CTNNA3: variants seen among roughly 807,000 people sequenced by gnomAD.
CTNNA3 encodes catenin alpha-3.
CTNNA3 carries 76 observed loss-of-function variants against 95.7 expected under a neutral mutation model. The ratio of observed to expected loss-of-function variants is 0.79; its 90% CI spans 0.66 to 0.96. The LOEUF is 0.96. Ranked by LOEUF, CTNNA3 falls within the 40% of genes least tolerant of loss-of-function variation. The probability of loss-of-function intolerance (pLI) is 0.00; values close to 1 mark genes in which losing one functional copy is unlikely to be tolerated. For missense variants in CTNNA3, 1,191 were observed against 1,089.8 expected (o/e 1.09, Z -1.31); for synonymous variants, 431 against 374.4 (o/e 1.15, Z -1.74).
intron 7 of CTNNA3, among the ~76,000 whole-genome samples, chr10:66,948,937 A>G (rs1398824008): frequency 6.6e-6 from 1 of 152,194 alleles, no homozygotes; most frequent in Middle Eastern, 3.2e-3. Flanking sequence ...AATTTTGAGA[A>G]CAAAGACATA....
intron 10 of CTNNA3, among the ~76,000 whole-genome samples, chr10:66,602,549 A>C (rs1233898710): frequency 6.6e-6 from 1 of 151,988 alleles, no homozygotes; most frequent in East Asian, 1.9e-4. Context: ...TGCTGCTAGA[A>C]TTGCTTAAAA....
chr10:67,311,502 A>C (rs1840798724), intron 5 of CTNNA3, among the ~76,000 whole-genome samples: 1 of 152,260 alleles, frequency 6.6e-6, no homozygotes, highest in Non-Finnish European at 1.5e-5. Context: ...ATAAAAAGGC[A>C]GACAGAAATT....
chr10:67,144,126 C>G (rs1286479034), intron 7 of CTNNA3, among the ~76,000 whole-genome samples: 1 of 152,146 alleles, frequency 6.6e-6, no homozygotes, highest in Non-Finnish European at 1.5e-5. Flanking sequence ...CTTGGGTGAC[C>G]AGGTGCATTG....
chr10:66,778,930 C>T (rs10997378), intron 7 of CTNNA3, among the ~76,000 whole-genome samples: 80,016 of 151,892 alleles, frequency 0.53, 21,969 homozygotes, highest in East Asian at 0.73. Context: ...GAGCCGAGAT[C>T]GCGCCACTGC....
At chr10:67,066,136 A>G (rs906542797) in intron 7 of CTNNA3, among the ~76,000 whole-genome samples, 1 of 151,088 alleles carries the variant, frequency 6.6e-6, no homozygotes, top group Non-Finnish European at 1.5e-5. Flanking sequence ...AACTTTCTCA[A>G]TACCATCACC....
intron 5 of CTNNA3, among the ~76,000 whole-genome samples, chr10:67,415,621 C>T (rs1845514103): frequency 6.6e-6 from 1 of 152,158 alleles, no homozygotes; most frequent in Admixed American, 6.5e-5. Flanking sequence ...ACTAATGTCA[C>T]TGTTTACAGA....
At chr10:67,142,894 T>C (rs1056317655) in intron 7 of CTNNA3, among the ~76,000 whole-genome samples, 1 of 152,100 alleles carries the variant, frequency 6.6e-6, no homozygotes, top group African/African-American at 2.4e-5. Flanking sequence ...ATCGTGCCAC[T>C]GCACTCCAGC....
chr10:66,186,310 T>TAG (rs372778611), intron 13 of CTNNA3, among the ~76,000 whole-genome samples: 5 of 140,816 alleles, frequency 3.6e-5, no homozygotes, highest in East Asian at 2.2e-4. Context: ...GTGTGAGAGA[T>TAG]AGAGAGAGAG....
intron 9 of CTNNA3, among the ~76,000 whole-genome samples, chr10:66,687,576 C>G (rs1197888454): frequency 6.6e-6 from 1 of 152,000 alleles, no homozygotes; most frequent in Non-Finnish European, 1.5e-5. Context: ...GGATGAATTA[C>G]AAACAGGTGA....
intron 7 of CTNNA3, among the ~76,000 whole-genome samples, chr10:67,055,529 A>G (rs1855369164): frequency 6.6e-6 from 1 of 152,238 alleles, no homozygotes; most frequent in Non-Finnish European, 1.5e-5. Context: ...GAAAGGAGAC[A>G]ATGCCATTTG....
chr10:67,070,316 T>C (rs971652498), intron 7 of CTNNA3, among the ~76,000 whole-genome samples: 1 of 152,196 alleles, frequency 6.6e-6, no homozygotes, highest in Admixed American at 6.5e-5. Context: ...GTCAGATGTG[T>C]GTATTAAGAA....
intron 13 of CTNNA3, among the ~76,000 whole-genome samples, chr10:66,139,463 A>C (rs2133873342): frequency 6.6e-6 from 1 of 152,168 alleles, no homozygotes; most frequent in Middle Eastern, 3.4e-3. Context: ...CTTTGACTAC[A>C]ATACTCTTGA....
chr10:67,726,531 T>C (rs1197145404), intron 1 of CTNNA3, among the ~76,000 whole-genome samples: 3 of 63,854 alleles, frequency 4.7e-5, no homozygotes, highest in Non-Finnish European at 7.5e-5. Context: ...ATATTATATA[T>C]ATTATTATAT....
At chr10:66,734,219 T>C (rs1589188154) in intron 9 of CTNNA3, among the ~76,000 whole-genome samples, 1 of 152,124 alleles carries the variant, frequency 6.6e-6, no homozygotes, top group Non-Finnish European at 1.5e-5. Context: ...ATTCCAAAAA[T>C]GGTTAATTTT....
chr10:66,094,699 A>C (rs911979513), intron 14 of CTNNA3, among the ~76,000 whole-genome samples: 1 of 152,124 alleles, frequency 6.6e-6, no homozygotes, highest in Non-Finnish European at 1.5e-5. Context: ...AATCCCTCTC[A>C]CCATATCTCT....
intron 5 of CTNNA3, among the ~76,000 whole-genome samples, chr10:67,396,025 T>G (rs1844694284): frequency 6.6e-6 from 1 of 152,190 alleles, no homozygotes; most frequent in Admixed American, 6.5e-5. Flanking sequence ...AAATGTATGT[T>G]TGTAAAATAA....
chr10:67,401,556 T>C (rs1051706894), intron 5 of CTNNA3, among the ~76,000 whole-genome samples: 14 of 152,106 alleles, frequency 9.2e-5, no homozygotes, highest in African/African-American at 3.1e-4. Flanking sequence ...AGTAAGGATA[T>C]GGGTTATTTC....
intron 13 of CTNNA3, among the ~76,000 whole-genome samples, chr10:66,117,241 T>C (rs1050941545): frequency 2.6e-5 from 4 of 152,170 alleles, no homozygotes; most frequent in Admixed American, 6.6e-5. Flanking sequence ...TTGTATATTT[T>C]AAATGTGCAT....
At chr10:67,580,758 T>G (rs1842363807) in intron 3 of CTNNA3, among the ~76,000 whole-genome samples, 1 of 152,128 alleles carries the variant, frequency 6.6e-6, no homozygotes, top group Non-Finnish European at 1.5e-5. Context: ...TAGTTCTCCT[T>G]GAAGAGATCC....
Sources: gnomAD v4.1 joint callset for allele counts (sites outside exome capture counted in the v4.1 genomes callset) on GRCh38, gnomAD v4.1.1 for gene constraint, MANE v1.5 for transcripts, NCBI Gene and HGNC (gene_info 2026-07-23, HGNC 2026-07-21) for gene names.